Variants in KIAA2012 observed in about 807,000 individuals in gnomAD.
KIAA2012 encodes the protein KIAA2012.
A neutral mutation model predicts 150.6 loss-of-function variants in KIAA2012; 125 were observed. The observed-to-expected ratio is 0.83, with a 90% confidence interval of 0.72 to 0.96. The LOEUF is 0.96. Among genes scored for constraint, KIAA2012 ranks in the 40% least tolerant of loss-of-function variants. The pLI is 0.00. For missense variants in KIAA2012, 1,219 were observed against 1,354.9 expected (o/e 0.90, Z 1.57); for synonymous variants, 462 against 504.7 (o/e 0.92, Z 1.13).
chr2:202,194,093 C>A, intron 20 of KIAA2012, 97 bp from the exon 21 acceptor site: 2 of 1,340,106 alleles, frequency 1.5e-6, no homozygotes, highest in Non-Finnish European at 2.0e-6. Context: ...GGCCTGTGGG[C>A]TGCAGAGCCT....
chr2:202,150,082 A>G (rs946420488), intron 13 of KIAA2012, among the ~76,000 whole-genome samples: 3 of 152,262 alleles, frequency 2.0e-5, no homozygotes, highest in African/African-American at 7.2e-5. Context: ...TTGTGTTTAC[A>G]GCAAGATAAT....
intron 12 of KIAA2012, among the ~76,000 whole-genome samples, chr2:202,135,565 C>A (rs991028687): frequency 3.3e-5 from 5 of 152,188 alleles, no homozygotes; most frequent in African/African-American, 4.8e-5. Context: ...GGTCTTGACC[C>A]AAGAGATGGA....
chr2:202,185,957 G>A (rs146277568), intron 16 of KIAA2012, among the ~76,000 whole-genome samples: 225 of 152,190 alleles, frequency 1.5e-3, no homozygotes, highest in African/African-American at 3.5e-3. Flanking sequence ...GTAAGGCCCC[G>A]TGCTAGCAGA....
At chr2:202,173,399 G>A (rs535037719) in intron 15 of KIAA2012, among the ~76,000 whole-genome samples, 3 of 152,096 alleles carry the variant, frequency 2.0e-5, no homozygotes, top group Non-Finnish European at 2.9e-5. Context: ...GAGAAACCCC[G>A]TCTCTACTAA....
At chr2:202,170,060 G>A (rs559621401) in intron 15 of KIAA2012, among the ~76,000 whole-genome samples, 21 of 152,224 alleles carry the variant, frequency 1.4e-4, no homozygotes, top group African/African-American at 4.6e-4. Context: ...CCCCACTTCC[G>A]GGGAAGGCTG....
At chr2:202,082,972 G>T (rs1293659704) in intron 2 of KIAA2012, among the ~76,000 whole-genome samples, 1 of 151,772 alleles carries the variant, frequency 6.6e-6, no homozygotes, top group African/African-American at 2.4e-5. Flanking sequence ...GAGTCATCAA[G>T]ACAGGATTAC....
At chr2:202,170,533 T>C (rs1402050948) in intron 15 of KIAA2012, among the ~76,000 whole-genome samples, 1 of 152,208 alleles carries the variant, frequency 6.6e-6, no homozygotes, top group Non-Finnish European at 1.5e-5. Context: ...CTAAGTTTCA[T>C]AGCCTTCATG....
intron 15 of KIAA2012, among the ~76,000 whole-genome samples, chr2:202,171,176 CACACAGACACATAT>C (rs1691880955): frequency 7.0e-6 from 1 of 142,940 alleles, no homozygotes; most frequent in Non-Finnish European, 1.5e-5. Context: ...CATAGACACA[CACACAGACACATAT>C]ACACAGACAC....
intron 2 of KIAA2012, among the ~76,000 whole-genome samples, chr2:202,086,361 A>C (rs1432721728): frequency 6.6e-6 from 1 of 152,090 alleles, no homozygotes; most frequent in East Asian, 1.9e-4. Context: ...AAAAGAAATG[A>C]GGTTGCAATT....
chr2:202,189,585 C>T (rs889264506), intron 18 of KIAA2012, among the ~76,000 whole-genome samples: 2 of 152,004 alleles, frequency 1.3e-5, no homozygotes, highest in African/African-American at 2.4e-5. Flanking sequence ...CCACCACGCC[C>T]GGCTGAAATA....
intron 19 of KIAA2012, among the ~76,000 whole-genome samples, chr2:202,192,424 T>A (rs1574315871): frequency 6.6e-6 from 1 of 151,586 alleles, no homozygotes; most frequent in East Asian, 1.9e-4. Context: ...GACCCATCTA[T>A]ACCTAAGATT....
intron 18 of KIAA2012, among the ~76,000 whole-genome samples, chr2:202,188,829 C>G (rs1692276978): frequency 6.6e-6 from 1 of 152,166 alleles, no homozygotes; most frequent in Admixed American, 6.5e-5. Flanking sequence ...GAATGATCCT[C>G]CAAGCTACGG....
chr2:202,116,743 T>C (rs1690538539), intron 11 of KIAA2012: 1 of 152,204 alleles, frequency 6.6e-6, no homozygotes, highest in Admixed American at 6.5e-5. Context: ...AACTAACTCT[T>C]CTCCCCTTGA....
chr2:202,087,138 C>CA (rs1340682317), intron 2 of KIAA2012, among the ~76,000 whole-genome samples: 49 of 152,246 alleles, frequency 3.2e-4, no homozygotes, highest in Non-Finnish European at 6.0e-4. Context: ...TGCTTTTGCA[C>CA]TACAAGGACA....
intron 12 of KIAA2012, among the ~76,000 whole-genome samples, chr2:202,126,512 C>A (rs778656694): frequency 6.6e-6 from 1 of 151,988 alleles, no homozygotes; most frequent in Admixed American, 6.6e-5. Flanking sequence ...GACATCCTGA[C>A]GAAGGTAGAA....
At chr2:202,189,714 C>T (rs532750092) in intron 18 of KIAA2012, among the ~76,000 whole-genome samples, 59 of 152,248 alleles carry the variant, frequency 3.9e-4, no homozygotes, top group African/African-American at 1.4e-3. Context: ...TGTTACAATG[C>T]AGATTCCCAC....
At chr2:202,085,573 A>G (rs189827370) in intron 2 of KIAA2012, among the ~76,000 whole-genome samples, 1 of 152,316 alleles carries the variant, frequency 6.6e-6, no homozygotes, top group African/African-American at 2.4e-5. Flanking sequence ...CCTAGAGCCT[A>G]TAGAAGGAAC....
intron 15 of KIAA2012, among the ~76,000 whole-genome samples, chr2:202,172,290 C>G (rs569127872): frequency 3.3e-4 from 51 of 152,368 alleles, no homozygotes; most frequent in Admixed American, 1.8e-3. Context: ...GGGCACACAG[C>G]CAGTAAGTGG....
At chr2:202,145,987 A>G (rs1691287301) in intron 13 of KIAA2012, among the ~76,000 whole-genome samples, 1 of 152,024 alleles carries the variant, frequency 6.6e-6, no homozygotes, top group South Asian at 2.1e-4. Context: ...CCTGGCCAAG[A>G]GGGTCTTTTT....
Sources: gnomAD v4.1 joint callset for allele counts (sites outside exome capture counted in the v4.1 genomes callset) on GRCh38, gnomAD v4.1.1 for gene constraint, MANE v1.5 for transcripts, NCBI Gene and HGNC (gene_info 2026-07-23, HGNC 2026-07-21) for gene names.